The following CFLAR variants were observed in gnomAD, a reference collection of about 807,000 sequenced individuals.
The protein encoded by CFLAR is CASP8 and FADD-like apoptosis regulator.
CFLAR carries 14 observed loss-of-function variants against 51.1 expected under a neutral mutation model. The ratio of observed to expected loss-of-function variants is 0.27; its 90% CI spans 0.18 to 0.43. The LOEUF (loss-of-function observed/expected upper bound fraction) is 0.43. CFLAR is among the 20% of genes least tolerant of loss of function. CFLAR has a pLI of 1.00. For synonymous variants in CFLAR, 210 were observed against 211.6 expected (o/e 0.99, Z 0.06); for missense variants, 390 against 566.5 (o/e 0.69, Z 3.16).
intron 5 of CFLAR, among the ~76,000 whole-genome samples, chr2:201,144,816 T>C (rs1939766409): frequency 6.6e-6 from 1 of 152,208 alleles, no homozygotes; most frequent in Non-Finnish European, 1.5e-5. Flanking sequence ...TGAAACATTC[T>C]AATATGCTAG....
At chr2:201,144,192 A>G (rs895150644) in intron 5 of CFLAR, 1 of 152,226 alleles carries the variant, frequency 6.6e-6, no homozygotes, top group Admixed American at 6.5e-5. Flanking sequence ...CAGATAGTGT[A>G]TTTCACTCTT....
At position 201,171,453 on chromosome 2, in the gene CFLAR, G is replaced by A. The variant is rs1170111195; in HGVS notation, c.*7480G>A. The A allele has an allele frequency of 6.6e-6, 1 of 151,444 alleles. No individual in the cohort carries two copies. The highest frequency in any genetic ancestry group is 2.4e-5 in the African/African-American group (1 of 41,140). The allele number at this position is 151,444 out of a possible 1,614,324, so 9.4% of individuals were successfully genotyped here. A position where few individuals can be genotyped will look rare whatever the true frequency, so the allele number is the denominator to read the frequency against. On this transcript the variant is annotated 3_prime_UTR_variant, in exon 10 of 10. Transcript: ENST00000309955. ...CTTGTAAGCGGAAGCTGAACAATGA[G>A]AACACACGGACACAGGGATGAGATC...
At chr2:201,162,442 A>T (rs1943147739) in intron 9 of CFLAR, 1 of 152,188 alleles carries the variant, frequency 6.6e-6, no homozygotes, top group Non-Finnish European at 1.5e-5. Context: ...TCTTTTTTTT[A>T]ATTAAAAAAA....
At chr2:201,162,973 T>TCTTA (rs755244353) in intron 9 of CFLAR, 1 of 725,738 alleles carries the variant, frequency 1.4e-6, no homozygotes, top group South Asian at 1.4e-5. Context: ...TAGTATTTGT[T>TCTTA]CTTATCCTTA....
At position 201,138,223 on chromosome 2, in the gene CFLAR, C is replaced by T. The variant is rs938010456; in HGVS notation, c.523+2116C>T. ...AATGCACCATGGCGATCTGATACAC[C>T]GAGTTCCCTTGGGACGAGTCCAAGC... On this transcript the variant is annotated intron_variant, in intron 4 of 9. Coordinates refer to ENST00000309955, the MANE Select transcript of CFLAR (RefSeq NM_003879.7). The surrounding 1 kb of genome is among the most constrained non-coding windows in gnomAD (Gnocchi z 4.0). 5.2e-5 allele frequency: 49 copies of T among 947,214 alleles called. No homozygotes were observed. The Middle Eastern group carries it at 9.0e-4, about 17-fold the overall frequency. 58.7% of individuals were successfully genotyped at this position (947,214 alleles called of 1,614,324 possible). A position where few individuals can be genotyped will look rare whatever the true frequency, so the allele number is the denominator to read the frequency against.
Position 201,138,659 on chromosome 2 carries a change from G to T in CFLAR, c.524-1698G>T. On this transcript the variant is annotated intron_variant, in intron 4 of 9. Transcript: ENST00000309955. The surrounding 1 kb of genome is among the most constrained non-coding windows in gnomAD (Gnocchi z 4.0). ...TGCCAGAGAAGCCATGACGCATCTT[G>T]GCCTCCAACACATCACCCACAGTGT... The T allele has an allele frequency of 9.0e-7, 1 of 1,116,336 alleles. No individual in the cohort carries two copies. Among genetic ancestry groups the T allele is most frequent in the Middle Eastern group, 2.8e-4 (1 of 3,512 alleles). 69.2% of individuals were successfully genotyped at this position (1,116,336 alleles called of 1,614,324 possible).
In CFLAR at chr2:201,138,371, C is replaced by T. The variant is rs763135148; in HGVS notation, c.524-1986C>T. ...ATCCTTGGAGGCCACAGGGTAGTCTCGGTTCTTCAGCGCGGTGCAGGTGAT... is the reference window on the plus strand; with the variant it reads ...ATCCTTGGAGGCCACAGGGTAGTCTTGGTTCTTCAGCGCGGTGCAGGTGAT... On this transcript the variant is annotated intron_variant, in intron 4 of 9. Coordinates refer to ENST00000309955, the MANE Select transcript of CFLAR (RefSeq NM_003879.7). The surrounding 1 kb of genome is among the most constrained non-coding windows in gnomAD (Gnocchi z 4.0). 126 of 770,368 alleles carry T rather than the reference C, an allele frequency of 1.6e-4. No homozygotes were observed. Among genetic ancestry groups the T allele is most frequent in the Non-Finnish European group, 2.6e-4 (107 of 417,556 alleles). The allele number at this position is 770,368 out of a possible 1,614,324, so 47.7% of individuals were successfully genotyped here.
chr2:201,137,086 T>C lies in CFLAR; in HGVS notation c.523+979T>C, dbSNP rs551369299. The C allele has an allele frequency of 2.0e-3, 360 of 179,504 alleles. 1 individual carries two copies. Among genetic ancestry groups the C allele is most frequent in the African/African-American group, 7.9e-3 (330 of 41,912 alleles). The allele number at this position is 179,504 out of a possible 1,614,324, so 11.1% of individuals were successfully genotyped here. ...AGGTCTGGAGCTCAGAAGTGCCACA[T>C]GCCTGAGGGGGCAGCGGCCTGGGAA... is the stretch of plus-strand genomic sequence containing the variant. On this transcript the variant is annotated intron_variant, in intron 4 of 9. Coordinates refer to ENST00000309955, the MANE Select transcript of CFLAR (RefSeq NM_003879.7).
chr2:201,149,996 C>T lies in CFLAR; in HGVS notation c.793+161C>T, dbSNP rs920151153. The T allele has an allele frequency of 7.0e-6, 4 of 569,758 alleles. No homozygotes were observed. In the East Asian group the frequency reaches 9.6e-5, roughly 14 times the overall value. 35.3% of individuals were successfully genotyped at this position (569,758 alleles called of 1,614,324 possible). A position where few individuals can be genotyped will look rare whatever the true frequency, so the allele number is the denominator to read the frequency against. On this transcript the variant is annotated intron_variant, in intron 8 of 9. Transcript: ENST00000309955. The stretch of plus-strand genomic sequence containing the variant: ...GTGGCTCATGCCTGGAATTCCAGCA[C>T]TTTGTGAGGCTGAGATGGGAGGATC...
intron 4 of CFLAR, chr2:201,139,132 C>G: frequency 2.7e-6 from 1 of 373,422 alleles, no homozygotes; most frequent in Non-Finnish European, 5.1e-6. Flanking sequence ...TGTAACCTTA[C>G]CCCCAACCCT....
chr2:201,133,241 G>GCGGCA, intron 3 of CFLAR, 107 bp downstream of exon 3: 2 of 728,820 alleles, frequency 2.7e-6, no homozygotes, highest in Non-Finnish European at 4.8e-6. Context: ...CACTATAGTG[G>GCGGCA]GAGTCAGACA....
chr2:201,125,724 T>C (rs905433744), intron 1 of CFLAR, among the ~76,000 whole-genome samples: 2 of 151,606 alleles, frequency 1.3e-5, no homozygotes, highest in Non-Finnish European at 2.9e-5. Context: ...CTGAACAGAG[T>C]CTTCCTGTAA....
rs1021978576 is a variant in CFLAR, at chr2:201,165,263, T to G, written c.*1290T>G. 2 of 147,902 alleles carry G rather than the reference T, an allele frequency of 1.4e-5. No homozygotes were observed. Among genetic ancestry groups the G allele is most frequent in the Non-Finnish European group, 3.0e-5 (2 of 67,158 alleles). The allele number at this position is 147,902 out of a possible 1,614,324, so 9.2% of individuals were successfully genotyped here. On this transcript the variant is annotated 3_prime_UTR_variant, in exon 10 of 10. Transcript: ENST00000309955. ...TTGCTTATTATTATTATTATTATTA[T>G]TATTATTATTATTATTATTATTATT... is the stretch of plus-strand genomic sequence containing the variant.
Position 201,160,596 on chromosome 2 carries a change from A to G in CFLAR, c.958A>G (p.Ser320Gly). Reference sequence around the variant, plus strand: ...CCTGGTGAGCCGAGGAGGCTCCCAGAGTGTGTATGGTGTGGATCAGACTCA... The same window carrying G: ...CCTGGTGAGCCGAGGAGGCTCCCAGGGTGTGTATGGTGTGGATCAGACTCA... Reference protein sequence around the residue: ...CVLVSRGGSQSVYGVDQTHSG... With the variant: ...CVLVSRGGSQGVYGVDQTHSG... Residue 320 changes from serine to glycine, a missense_variant, in exon 9 of 10, where the codon AGT becomes GGT. Coordinates refer to ENST00000309955, the MANE Select transcript of CFLAR (RefSeq NM_003879.7). 1.2e-6 allele frequency: 2 copies of G among 1,613,908 alleles called. No homozygotes were observed. The highest frequency in any genetic ancestry group is 1.7e-6 in the Non-Finnish European group (2 of 1,179,986).
At chr2:201,160,193 A>G (rs1299039293) in intron 8 of CFLAR, among the ~76,000 whole-genome samples, 2 of 152,172 alleles carry the variant, frequency 1.3e-5, no homozygotes, top group Non-Finnish European at 2.9e-5. Context: ...TGTGGCTGGC[A>G]TCAGGCAGGA....
rs1559201641 is a variant in CFLAR, at chr2:201,138,372, G to C, written c.524-1985G>C. On this transcript the variant is annotated intron_variant, in intron 4 of 9. Coordinates refer to ENST00000309955, the MANE Select transcript of CFLAR (RefSeq NM_003879.7). This position sits in a 1 kb window ranked among gnomAD's most constrained non-coding sequence, Gnocchi z 4.0. ...TCCTTGGAGGCCACAGGGTAGTCTC[G>C]GTTCTTCAGCGCGGTGCAGGTGATA... is the stretch of plus-strand genomic sequence containing the variant. 2.6e-6 allele frequency: 2 copies of C among 770,932 alleles called. No individual in the cohort carries two copies. The highest frequency in any genetic ancestry group is 3.4e-5 in the Admixed American group (2 of 58,524). 47.8% of individuals were successfully genotyped at this position (770,932 alleles called of 1,614,324 possible).
At position 201,160,631 on chromosome 2, in the gene CFLAR, C is replaced by T. The variant is rs1229111300; in HGVS notation, c.993C>T (p.Leu331=). ...GTGTGGATCAGACTCACTCAGGGCTCCCCCTGCATCACATCAGGAGGATGT... is the reference window on the plus strand; with the variant it reads ...GTGTGGATCAGACTCACTCAGGGCTTCCCCTGCATCACATCAGGAGGATGT... ...VYGVDQTHSG[L]PLHHIRRMFM... is the part of the protein sequence containing the mutation. The change falls in exon 9 of 10, where the codon CTC becomes CTT. Residue 331 remains leucine, a synonymous_variant. Transcript: ENST00000309955. 8.1e-6 allele frequency: 13 copies of T among 1,613,902 alleles called. No homozygotes were observed. The highest frequency in any genetic ancestry group is 1.7e-5 in the Admixed American group (1 of 59,974).
chr2:201,150,826 C>T (rs753344438), intron 8 of CFLAR, among the ~76,000 whole-genome samples: 3 of 152,146 alleles, frequency 2.0e-5, no homozygotes, highest in African/African-American at 4.8e-5. Context: ...AAATTAGTCT[C>T]GCTGTGTGTC....
chr2:201,162,746 ACACT>A, intron 9 of CFLAR: 1 of 372,290 alleles, frequency 2.7e-6, no homozygotes, highest in Non-Finnish European at 5.1e-6. Flanking sequence ...CACCCAAAAG[ACACT>A]CACAGCCTGC....
Sources: gnomAD v4.1 joint callset for allele counts (sites outside exome capture counted in the v4.1 genomes callset) on GRCh38, gnomAD v4.1.1 for gene constraint, Gnocchi (gnomAD v3.1) non-coding constraint, MANE v1.5 for transcripts, NCBI Gene and HGNC (gene_info 2026-07-23, HGNC 2026-07-21) for gene names.